Variants in CRCP observed in about 807,000 individuals in gnomAD.
CRCP encodes the protein DNA-directed RNA polymerase III subunit RPC9.
A neutral mutation model predicts 18.5 loss-of-function variants in CRCP; 18 were observed. The observed-to-expected ratio is 0.97, with a 90% CI of 0.67 to 1.44. CRCP has a LOEUF of 1.44. Among genes scored for constraint, CRCP ranks in the 40% most tolerant of loss-of-function variants. CRCP has a pLI of 0.00. For missense variants in CRCP, 130 were observed against 176.4 expected, an observed-to-expected ratio of 0.74 and a Z score of 1.49; for synonymous variants, 53 against 62.9, an observed-to-expected ratio of 0.84 and a Z score of 0.75.
intron 1 of CRCP, among the ~76,000 whole-genome samples, chr7:66,118,234 C>T (rs1440024657): frequency 2.0e-5 from 3 of 152,200 alleles, no homozygotes; most frequent in African/African-American, 4.8e-5. Flanking sequence ...CCTCAGCCTC[C>T]CAAAGTGCTG....
At position 66,126,122 on chromosome 7, in the gene CRCP, C is replaced by T. The variant is rs559014270; in HGVS notation, c.9-1582C>T. Among the ~76,000 whole-genome samples the T allele has an allele frequency of 1.7e-4, 26 of 149,436 alleles. 2 individuals are homozygous for T. Among genetic ancestry groups the T allele is most frequent in the Non-Finnish European group, 3.3e-4 (22 of 66,818 alleles). Reference sequence around the variant, plus strand: ...GGGCAAAGCAGCACTTTTGTGAAATCGTAGCTTGAATCACTGGTAGCATTT... The same window carrying T: ...GGGCAAAGCAGCACTTTTGTGAAATTGTAGCTTGAATCACTGGTAGCATTT... On this transcript the variant is annotated intron_variant, in intron 1 of 5. Transcript: ENST00000395326.
chr7:66,148,962 C>G (rs187315388), intron 5 of CRCP, among the ~76,000 whole-genome samples: 1 of 152,218 alleles, frequency 6.6e-6, no homozygotes, highest in African/African-American at 2.4e-5. Flanking sequence ...TTGTTGCTAT[C>G]AGATCTTTGA....
chr7:66,136,746 G>A (rs929361889), intron 4 of CRCP, among the ~76,000 whole-genome samples: 1 of 151,942 alleles, frequency 6.6e-6, no homozygotes, highest in African/African-American at 2.4e-5. Flanking sequence ...TACATCTATA[G>A]GTCAGTTTTG....
At chr7:66,134,245 T>C (rs779898243) in intron 3 of CRCP, 35 bp from the exon 4 acceptor site, 1 of 1,439,236 alleles carries the variant, frequency 6.9e-7, no homozygotes, top group East Asian at 2.3e-5. Flanking sequence ...CTTTGTCTTA[T>C]GCTTGGCTTT....
intron 1 of CRCP, among the ~76,000 whole-genome samples, chr7:66,116,133 G>A (rs1222591040): frequency 6.6e-6 from 1 of 152,110 alleles, no homozygotes; most frequent in Non-Finnish European, 1.5e-5. Flanking sequence ...ATATGTCTGT[G>A]TAACTGAAAT....
At chr7:66,145,203 A>G (rs542480916) in intron 4 of CRCP, among the ~76,000 whole-genome samples, 7 of 152,234 alleles carry the variant, frequency 4.6e-5, no homozygotes, top group South Asian at 4.1e-4. Context: ...TTAAAATGGC[A>G]TATGCCCTGC....
intron 1 of CRCP, among the ~76,000 whole-genome samples, chr7:66,125,283 TG>T (rs1341659048): frequency 6.7e-6 from 1 of 149,164 alleles, no homozygotes; most frequent in African/African-American, 2.4e-5. Context: ...CGTTTAGTGG[TG>T]GTTACAGTAA....
chr7:66,153,077 C>T lies in CRCP; in HGVS notation c.*720C>T, dbSNP rs1788521721. 1 of 152,956 alleles carries T rather than the reference C, an allele frequency of 6.5e-6. No individual in the cohort carries two copies. Among genetic ancestry groups the T allele is most frequent in the Non-Finnish European group, 1.5e-5 (1 of 68,116 alleles). The allele number at this position is 152,956 out of a possible 1,614,324, so 9.5% of individuals were successfully genotyped here. A position where few individuals can be genotyped will look rare whatever the true frequency, so the allele number is the denominator to read the frequency against. The stretch of plus-strand genomic sequence containing the variant: ...CCTGCCCTGAGACAGCAGCCCAGGG[C>T]AGGTGCTTCATATTCAGACCAGGTA... On this transcript the variant is annotated 3_prime_UTR_variant, in exon 6 of 6. Coordinates refer to ENST00000395326, the MANE Select transcript of CRCP (RefSeq NM_014478.5).
Position 66,127,718 on chromosome 7 carries a change from C to T in CRCP, c.23C>T (p.Ser8Phe). The T allele has an allele frequency of 6.2e-7, 1 of 1,614,124 alleles. No individual in the cohort carries two copies. The highest frequency in any genetic ancestry group is 2.2e-5 in the East Asian group (1 of 44,882). Residue 8 changes from serine (S) to phenylalanine (F), a missense_variant, in exon 2 of 6, where the codon TCT becomes TTT. Coordinates refer to ENST00000395326, the MANE Select transcript of CRCP (RefSeq NM_014478.5). ...TTCTTTTTCAGGAAGGATGCCAATT[C>T]TGCGCTTCTCAGTAACTACGAGGTA... The part of the protein sequence containing the change: MEVKDAN[S>F]ALLSNYEVFQ...
rs773926018 is a variant in CRCP, at chr7:66,130,750, C to T, written c.52C>T (p.Gln18Ter). The T allele has an allele frequency of 6.3e-7, 1 of 1,596,884 alleles. No homozygotes were observed. Among genetic ancestry groups the T allele is most frequent in the East Asian group, 2.2e-5 (1 of 44,756 alleles). The change falls in exon 3 of 6, where the codon CAG (glutamine) becomes TAG (stop). Residue 18 changes from glutamine (Q) to a stop codon, truncating the protein, a stop_gained. Transcript: ENST00000395326. LOFTEE classifies it high-confidence loss of function. ...TTTTTGTATCTCCTCCTAGGTATTT[C>T]AGTTACTAACTGATCTGAAAGAGCA... is the stretch of plus-strand genomic sequence containing the variant. ...SALLSNYEVFQLLTDLKEQRK... is the reference protein window; with the variant it reads ...SALLSNYEVF
chr7:66,118,929 A>T (rs931231691), intron 1 of CRCP, among the ~76,000 whole-genome samples: 2 of 152,232 alleles, frequency 1.3e-5, no homozygotes, highest in Admixed American at 1.3e-4. Flanking sequence ...CCTCAGAAGC[A>T]GGCCTCAGAA....
chr7:66,121,081 C>T (rs1313786540), intron 1 of CRCP, among the ~76,000 whole-genome samples: 4 of 147,336 alleles, frequency 2.7e-5, no homozygotes, highest in Non-Finnish European at 6.0e-5. Flanking sequence ...GAAATTTCTT[C>T]TTTTTTTTTT....
chr7:66,137,515 C>T (rs1287866011), intron 4 of CRCP, among the ~76,000 whole-genome samples: 2 of 152,326 alleles, frequency 1.3e-5, no homozygotes, highest in South Asian at 2.1e-4. Flanking sequence ...CAGACATCCT[C>T]ATCTTGTCCC....
In CRCP at chr7:66,114,935, G is replaced by A. The variant is rs763193569; in HGVS notation, c.-28G>A. ...GAAGTGTGAGGTTCTTTGTCTGCTG[G>A]CAGCTAGGGGCGACGAGGCGGGACG... On this transcript the variant is annotated 5_prime_UTR_variant, in exon 1 of 6. Coordinates refer to ENST00000395326, the MANE Select transcript of CRCP (RefSeq NM_014478.5). 6.2e-7 allele frequency: 1 copy of A among 1,612,036 alleles called. No individual in the cohort carries two copies. Among genetic ancestry groups the A allele is most frequent in the Non-Finnish European group, 8.5e-7 (1 of 1,178,376 alleles).
intron 2 of CRCP, chr7:66,130,098 T>TC: frequency 1.4e-5 from 1 of 70,690 alleles, no homozygotes; most frequent in Non-Finnish European, 2.5e-5. Flanking sequence ...AGCAGGATTC[T>TC]TTTTTTTTTT....
chr7:66,128,943 A>C (rs1219088493), intron 2 of CRCP, among the ~76,000 whole-genome samples: 1 of 152,184 alleles, frequency 6.6e-6, no homozygotes, highest in African/African-American at 2.4e-5. Context: ...TCACGCCTGT[A>C]ATCTCAGCAC....
chr7:66,129,834 G>T (rs1202246810), intron 2 of CRCP, among the ~76,000 whole-genome samples: 2 of 152,066 alleles, frequency 1.3e-5, no homozygotes, highest in Non-Finnish European at 1.5e-5. Flanking sequence ...GGGTCGTATT[G>T]TATCTGGTGA....
intron 1 of CRCP, among the ~76,000 whole-genome samples, chr7:66,125,541 C>T (rs1202042799): frequency 6.7e-6 from 1 of 149,342 alleles, no homozygotes; most frequent in East Asian, 2.0e-4. Context: ...CCTGTGTAAA[C>T]ATCAATTGGT....
chr7:66,150,214 G>A (rs1343738224), intron 5 of CRCP, among the ~76,000 whole-genome samples: 2 of 151,678 alleles, frequency 1.3e-5, no homozygotes, highest in Non-Finnish European at 2.9e-5. Flanking sequence ...TCAGGAGTTC[G>A]AGACCAGACT....
Sources: allele counts gnomAD v4.1 joint callset (sites outside exome capture counted in the v4.1 genomes callset), GRCh38; gene constraint gnomAD v4.1.1; transcripts MANE v1.5; gene names NCBI Gene and HGNC (gene_info 2026-07-23, HGNC 2026-07-21).